AK9: variants seen among roughly 807,000 people sequenced by gnomAD.
AK9 encodes adenylate kinase domain containing 1.
In AK9, 191 loss-of-function variants were observed where a neutral mutation model predicts 239.6. That is an observed-to-expected ratio of 0.80 (90% CI 0.71 to 0.90). The LOEUF (loss-of-function observed/expected upper bound fraction) is 0.90, where lower values mean the gene tolerates loss of function less well. Among genes scored for constraint, AK9 ranks in the 40% least tolerant of loss-of-function variants. The pLI is 0.00. For missense variants in AK9, 1,995 were observed against 2,214.7 expected (o/e 0.90, Z 1.99); for synonymous variants, 689 against 721.0 (o/e 0.96, Z 0.71).
chr6:109,497,428 A>G (rs770285264), intron 38 of AK9, 37 bp downstream of exon 38: 1 of 1,384,102 alleles, frequency 7.2e-7, no homozygotes, highest in Non-Finnish European at 1.0e-6. Context: ...CATGCAACAC[A>G]GATTTTCAGT....
chr6:109,506,839 C>A, intron 33 of AK9, 39 bp from the exon 34 acceptor site: 2 of 1,455,280 alleles, frequency 1.4e-6, no homozygotes, highest in Non-Finnish European at 1.8e-6. Context: ...TTCCACATTT[C>A]TTTTTCTCTC....
intron 26 of AK9, among the ~76,000 whole-genome samples, chr6:109,542,845 G>A (rs1783071788): frequency 6.6e-6 from 1 of 152,118 alleles, no homozygotes; most frequent in South Asian, 2.1e-4. Context: ...CCAACCTATA[G>A]TAAATAATAT....
At chr6:109,571,454 G>A (rs1027230123) in intron 21 of AK9, among the ~76,000 whole-genome samples, 4 of 152,094 alleles carry the variant, frequency 2.6e-5, no homozygotes, top group Admixed American at 1.3e-4. Context: ...CTCTCAAGCC[G>A]AAGTCTAATT....
chr6:109,656,165 T>C (rs1047353977), intron 8 of AK9, among the ~76,000 whole-genome samples: 1 of 152,240 alleles, frequency 6.6e-6, no homozygotes, highest in Non-Finnish European at 1.5e-5. Context: ...TGATTACATT[T>C]GGTAGAGTCT....
Position 109,566,787 on chromosome 6 carries a change from A to G in AK9, c.2345-1942T>C, listed in dbSNP as rs9487155. Among the ~76,000 whole-genome samples the G allele has an allele frequency of 5.3e-3, 802 of 152,200 alleles. 9 individuals carry two copies. The highest frequency in any genetic ancestry group is 0.019 in the African/African-American group (775 of 41,550). ...GGGATGAAGAAACTCACTCAAAACCACTCAACTACATGGAAACTGAACAAC... is the reference window on the plus strand; with the variant it reads ...GGGATGAAGAAACTCACTCAAAACCGCTCAACTACATGGAAACTGAACAAC... On this transcript the variant is annotated intron_variant, in intron 21 of 40. Transcript: ENST00000424296.
At chr6:109,685,485 A>G (rs1241831573) in intron 1 of AK9, among the ~76,000 whole-genome samples, 1 of 152,136 alleles carries the variant, frequency 6.6e-6, no homozygotes, top group Non-Finnish European at 1.5e-5. Context: ...AAGAACAGAA[A>G]ACCAAACACT....
chr6:109,566,182 A>G (rs1323599193), intron 21 of AK9, among the ~76,000 whole-genome samples: 3 of 152,168 alleles, frequency 2.0e-5, no homozygotes, highest in Admixed American at 6.6e-5. Context: ...TATATCAGAT[A>G]TAACAGGTCT....
At chr6:109,605,038 T>C (rs1485562740) in intron 17 of AK9, among the ~76,000 whole-genome samples, 1 of 152,208 alleles carries the variant, frequency 6.6e-6, no homozygotes, top group East Asian at 1.9e-4. Context: ...TAAAAGTAAA[T>C]AGTATCAACT....
Position 109,564,798 on chromosome 6 carries a change from C to T in AK9, c.2392G>A (p.Gly798Arg), listed in dbSNP as rs114500582. 3,642 of 1,546,468 alleles carry T rather than the reference C, an allele frequency of 2.4e-3. 53 individuals carry two copies. The African/African-American group carries it at 0.039, about 16-fold the overall frequency. Residue 798 changes from glycine (G) to arginine (R), a missense_variant, in exon 22 of 41, where the codon GGA becomes AGA. Gly to Arg is a moderately radical substitution (Grantham distance 125, BLOSUM62 -2). Coordinates refer to ENST00000424296, the MANE Select transcript of AK9 (RefSeq NM_001145128.3). ...ETTVETEIPK[G>R]SKEGLEIEKL... is the part of the protein sequence containing the mutation. ...TCAATTTCCAGGCCCTCTTTGGATC[C>T]TTTTGGGATTTCTGTTTCCACTGTA...
chr6:109,603,168 T>C (rs1278883831), intron 17 of AK9, among the ~76,000 whole-genome samples: 2 of 152,090 alleles, frequency 1.3e-5, no homozygotes, highest in African/African-American at 2.4e-5. Context: ...GAATTTTCAG[T>C]TTTTCTGCTC....
chr6:109,563,977 G>A (rs924056883), intron 23 of AK9, 103 bp downstream of exon 23: 4 of 1,213,696 alleles, frequency 3.3e-6, no homozygotes, highest in South Asian at 1.6e-5. Context: ...TGGATATACT[G>A]AACATTTACT....
chr6:109,649,166 C>T (rs184839846), intron 8 of AK9, among the ~76,000 whole-genome samples: 2,237 of 152,168 alleles, frequency 0.015, 58 homozygotes, highest in African/African-American at 0.051. Flanking sequence ...GAAGCATTCC[C>T]TTTGAAAACT....
At chr6:109,508,591 G>A (rs1778356208) in intron 33 of AK9, among the ~76,000 whole-genome samples, 1 of 152,196 alleles carries the variant, frequency 6.6e-6, no homozygotes, top group South Asian at 2.1e-4. Flanking sequence ...AAATCAGGGG[G>A]GTTCTAGGTC....
intron 12 of AK9, chr6:109,632,090 T>G: frequency 1.1e-6 from 1 of 906,870 alleles, no homozygotes; most frequent in Non-Finnish European, 1.3e-6. Flanking sequence ...ATTCCAGATT[T>G]GACCTGGTTG....
intron 8 of AK9, among the ~76,000 whole-genome samples, chr6:109,651,093 A>C (rs1798871515): frequency 6.7e-6 from 1 of 149,144 alleles, no homozygotes; most frequent in Admixed American, 6.7e-5. Context: ...GGGTGGGGGT[A>C]GTGGGGAGGG....
At chr6:109,550,498 T>C (rs757766257) in intron 24 of AK9, 196 bp from the exon 25 acceptor site, 13 of 460,952 alleles carry the variant, frequency 2.8e-5, no homozygotes, top group Non-Finnish European at 4.4e-5. Flanking sequence ...CATTCTAAGT[T>C]TCTTTATTTT....
At chr6:109,670,887 G>C (rs1347080480) in intron 5 of AK9, among the ~76,000 whole-genome samples, 1 of 152,028 alleles carries the variant, frequency 6.6e-6, no homozygotes, top group South Asian at 2.1e-4. Context: ...TAAGTGGATA[G>C]ATAGGTAGAT....
At chr6:109,538,428 A>C (rs182775719) in intron 27 of AK9, among the ~76,000 whole-genome samples, 4,381 of 152,084 alleles carry the variant, frequency 0.029, 94 homozygotes, top group East Asian at 0.11. Context: ...GGATTGCAAC[A>C]TCTGCCTTTT....
intron 5 of AK9, among the ~76,000 whole-genome samples, chr6:109,668,345 GTT>G (rs1477522675): frequency 6.6e-6 from 1 of 151,786 alleles, no homozygotes; most frequent in Non-Finnish European, 1.5e-5. Flanking sequence ...CATTCTGTAG[GTT>G]GCCTGTTCAC....
Sources: gnomAD v4.1 joint callset for allele counts (sites outside exome capture counted in the v4.1 genomes callset) on GRCh38, gnomAD v4.1.1 for gene constraint, MANE v1.5 for transcripts, NCBI Gene and HGNC (gene_info 2026-07-23, HGNC 2026-07-21) for gene names.